Variants in SNRPN observed in about 807,000 individuals in gnomAD.
SNRPN encodes small nuclear ribonucleoprotein polypeptide N.
A neutral mutation model predicts 25.2 loss-of-function variants in SNRPN; 7 were observed. The observed-to-expected ratio is 0.28, with a 90% CI of 0.16 to 0.52. The LOEUF (loss-of-function observed/expected upper bound fraction) is 0.52, where lower values mean the gene tolerates loss of function less well. Ranked by LOEUF, SNRPN falls within the 20% of genes least tolerant of loss-of-function variation. The pLI is 0.96. For synonymous variants in SNRPN, 124 were observed against 110.6 expected (o/e 1.12, Z -0.76); for missense variants, 196 against 322.5 (o/e 0.61, Z 3.00).
At chr15:24,831,695 A>G (rs2050536434) in intron 2 of SNRPN, among the ~76,000 whole-genome samples, 1 of 151,952 alleles carries the variant, frequency 6.6e-6, no homozygotes, top group South Asian at 2.1e-4. Context: ...GAGCTTTTTT[A>G]GATTCCGCTT....
intron 2 of SNRPN, chr15:24,851,364 C>A (rs551503043): frequency 6.6e-6 from 1 of 152,260 alleles, no homozygotes; most frequent in Non-Finnish European, 1.5e-5. Flanking sequence ...GGCATCAGAC[C>A]TGAAATGGAA....
rs185372099 is a variant in SNRPN at position 24,965,830 on chromosome 15, C to T, written c.-294-2102C>T. Among the ~76,000 whole-genome samples the T allele has an allele frequency of 3.3e-5, 5 of 152,108 alleles. No individual in the cohort carries two copies. In the East Asian group the frequency reaches 9.7e-4, roughly 29 times the overall value. On this transcript the variant is annotated intron_variant, in intron 2 of 9. Transcript: ENST00000390687. ...CAGGTTAGATCTGAGGGGGACATTG[C>T]AATAGAGAATTATCTTACGTTTCAA...
chr15:24,944,774 T>G (rs183518639), intron 3 of SNRPN, among the ~76,000 whole-genome samples: 87 of 152,302 alleles, frequency 5.7e-4, no homozygotes, highest in Middle Eastern at 6.8e-3. Flanking sequence ...CTGTTTCTCT[T>G]TCTCAGAATT....
At chr15:24,918,837 A>G (rs1346032205) in intron 2 of SNRPN, among the ~76,000 whole-genome samples, 1 of 126,642 alleles carries the variant, frequency 7.9e-6, no homozygotes, top group Non-Finnish European at 1.6e-5. Flanking sequence ...TATATATAAT[A>G]TATATATGCG....
At chr15:24,902,396 TAA>T (rs150041079) in intron 2 of SNRPN, among the ~76,000 whole-genome samples, 1 of 151,946 alleles carries the variant, frequency 6.6e-6, no homozygotes, top group East Asian at 1.9e-4. Flanking sequence ...AGTAGTAACT[TAA>T]AAAAATATAT....
intron 3 of SNRPN, among the ~76,000 whole-genome samples, chr15:24,936,963 G>A (rs539594733): frequency 2.0e-5 from 3 of 152,180 alleles, no homozygotes; most frequent in Non-Finnish European, 2.9e-5. Flanking sequence ...TAATAAAACC[G>A]GCCAGGTGCG....
intron 2 of SNRPN, among the ~76,000 whole-genome samples, chr15:24,835,133 GA>G (rs1566807738): frequency 0.02 from 1,228 of 60,626 alleles, 213 homozygotes; most frequent in African/African-American, 0.054. Flanking sequence ...AAAATATATA[GA>G]TATATATACT....
rs185959208 is a variant in SNRPN, at chr15:24,975,570, G to A, written c.155+61G>A. The A allele has an allele frequency of 1.6e-3, 2,264 of 1,416,638 alleles. 2 individuals carry two copies. Among genetic ancestry groups the A allele is most frequent in the Admixed American group, 2.8e-3 (163 of 58,466 alleles). 87.8% of individuals were successfully genotyped at this position (1,416,638 alleles called of 1,614,324 possible). A position where few individuals can be genotyped will look rare whatever the true frequency, so the allele number is the denominator to read the frequency against. ...GAGGCAGTGGGAAGGGAAGGCCAGA[G>A]CTGGAGTAAGGGATTTCCGAGGGTA... is the stretch of plus-strand genomic sequence containing the variant. On this transcript the variant is annotated intron_variant, in intron 5 of 9. Coordinates refer to ENST00000390687, the MANE Select transcript of SNRPN (RefSeq NM_003097.6).
intron 1 of SNRPN, among the ~76,000 whole-genome samples, chr15:24,956,193 G>A (rs2062836660): frequency 6.6e-6 from 1 of 152,176 alleles, no homozygotes; most frequent in South Asian, 2.1e-4. Context: ...GCCAGGTGAT[G>A]CCTGGGGGTT....
upstream of SNRPN, chr15:24,954,950 T>A: frequency 1.3e-6 from 2 of 1,541,714 alleles, no homozygotes; most frequent in Non-Finnish European, 1.8e-6. Flanking sequence ...CAGGCGGGGA[T>A]GTGTGCGAAG....
chr15:24,861,408 A>G (rs912421593), intron 1 of SNRPN, among the ~76,000 whole-genome samples: 11 of 152,180 alleles, frequency 7.2e-5, no homozygotes, highest in African/African-American at 2.4e-4. Context: ...ACATAAAAAG[A>G]TGGTATAAAA....
intron 3 of SNRPN, among the ~76,000 whole-genome samples, chr15:24,969,236 T>C (rs192899736): frequency 2.6e-5 from 4 of 152,194 alleles, no homozygotes; most frequent in African/African-American, 9.6e-5. Context: ...TCAACTGATT[T>C]TCCTGCCTCA....
chr15:24,912,970 C>T (rs147780377), intron 2 of SNRPN, among the ~76,000 whole-genome samples: 102 of 152,204 alleles, frequency 6.7e-4, no homozygotes, highest in African/African-American at 2.1e-3. Context: ...GACAGAGTCT[C>T]GCTTTGTCGC....
chr15:24,878,498 T>C (rs1049577288), intron 1 of SNRPN, among the ~76,000 whole-genome samples: 1 of 152,268 alleles, frequency 6.6e-6, no homozygotes, highest in East Asian at 1.9e-4. Context: ...CGAGGGTCTG[T>C]TCCGCTTATG....
At chr15:24,907,048 CA>C (rs1477483356) in intron 2 of SNRPN, among the ~76,000 whole-genome samples, 1 of 151,406 alleles carries the variant, frequency 6.6e-6, no homozygotes, top group Non-Finnish European at 1.5e-5. Context: ...AAAATAATGC[CA>C]AAAAAGAGGT....
intron 2 of SNRPN, among the ~76,000 whole-genome samples, chr15:24,906,040 T>C (rs930071385): frequency 1.3e-5 from 2 of 152,190 alleles, no homozygotes; most frequent in Admixed American, 1.3e-4. Flanking sequence ...TAATATCAAA[T>C]GTAGTTACTA....
chr15:24,835,989 C>T (rs761442577), intron 2 of SNRPN, among the ~76,000 whole-genome samples: 9 of 152,040 alleles, frequency 5.9e-5, no homozygotes, highest in African/African-American at 1.7e-4. Flanking sequence ...TAATATGCTA[C>T]GGCTACCATA....
At position 24,862,789 on chromosome 15, in the gene SNRPN, A is replaced by T. The variant is rs181102441; in HGVS notation, c.-579+6073A>T. On this transcript the variant is annotated intron_variant, in intron 1 of 11. Coordinates refer to the SNRPN transcript ENST00000400097. Reference sequence around the variant, plus strand: ...GGAGGAGCATTGGAGGAGATGCTGAAGAGTGAGGGGCAGGGGATCCACCAG... The same window carrying T: ...GGAGGAGCATTGGAGGAGATGCTGATGAGTGAGGGGCAGGGGATCCACCAG... Among the ~76,000 whole-genome samples the T allele has an allele frequency of 3.3e-5, 5 of 150,888 alleles. No homozygotes were observed. The East Asian group carries it at 9.8e-4, about 30-fold the overall frequency.
rs529997495 is a variant in SNRPN at position 24,874,166 on chromosome 15, C to G, written c.-578-12350C>G. On this transcript the variant is annotated intron_variant, in intron 1 of 11. Transcript: ENST00000400097. ...TCTACTAAAAATACAAAAAATTAGC[C>G]GGGCGTGGTGGCAGGCGCCTGTAGT... 1.7e-3 allele frequency among the ~76,000 whole-genome samples: 261 copies of G among 151,664 alleles called. 1 individual carries two copies. The highest frequency in any genetic ancestry group is 0.01 in the Middle Eastern group (3 of 292).
Sources: allele counts gnomAD v4.1 joint callset (sites outside exome capture counted in the v4.1 genomes callset), GRCh38; gene constraint gnomAD v4.1.1; transcripts MANE v1.5; gene names NCBI Gene and HGNC (gene_info 2026-07-23, HGNC 2026-07-21).